Variants in KIAA1549L observed in about 807,000 individuals in gnomAD.
KIAA1549L encodes the protein UPF0606 protein KIAA1549L.
KIAA1549L carries 88 observed loss-of-function variants against 160.7 expected under a neutral mutation model. The ratio of observed to expected loss-of-function variants is 0.55; its 90% CI spans 0.46 to 0.65. The LOEUF is 0.65. Among genes scored for constraint, KIAA1549L ranks in the 30% least tolerant of loss-of-function variants. KIAA1549L has a pLI of 0.00. For missense variants in KIAA1549L, 2,258 were observed against 2,437.5 expected (o/e 0.93, Z 1.55); for synonymous variants, 950 against 976.7 (o/e 0.97, Z 0.51).
chr11:33,420,959 G>T (rs1001366616), intron 1 of KIAA1549L, among the ~76,000 whole-genome samples: 1 of 152,070 alleles, frequency 6.6e-6, no homozygotes, highest in Non-Finnish European at 1.5e-5. Context: ...GGGTCCCTCC[G>T]GCCCTGAGGA....
intron 1 of KIAA1549L, among the ~76,000 whole-genome samples, chr11:33,531,435 C>T (rs1853769319): frequency 6.6e-6 from 1 of 152,108 alleles, no homozygotes; most frequent in Admixed American, 6.5e-5. Flanking sequence ...GATTGCGCCA[C>T]TGCACTCCAG....
chr11:33,462,841 C>T (rs1851969514), intron 1 of KIAA1549L, among the ~76,000 whole-genome samples: 1 of 151,760 alleles, frequency 6.6e-6, no homozygotes, highest in Admixed American at 6.6e-5. Context: ...AGCTTTCTCT[C>T]TCTCTCTTTT....
chr11:33,500,767 C>T (rs1194092217), intron 1 of KIAA1549L, among the ~76,000 whole-genome samples: 1 of 151,930 alleles, frequency 6.6e-6, no homozygotes, highest in African/African-American at 2.4e-5. Context: ...TTCACTTGTA[C>T]CCCCAAAATA....
intron 1 of KIAA1549L, among the ~76,000 whole-genome samples, chr11:33,471,550 A>C (rs1852178749): frequency 1.3e-5 from 2 of 152,194 alleles, no homozygotes; most frequent in South Asian, 4.1e-4. Flanking sequence ...TCAGTTACTC[A>C]GAACAGCTTT....
At chr11:33,651,978 T>G (rs1590444307) in intron 17 of KIAA1549L, among the ~76,000 whole-genome samples, 1 of 144,586 alleles carries the variant, frequency 6.9e-6, no homozygotes, top group East Asian at 2.1e-4. Context: ...ACCAAACTTC[T>G]GAGCTCAGAG....
At chr11:33,632,853 C>T (rs1165445420) in intron 16 of KIAA1549L, among the ~76,000 whole-genome samples, 1 of 152,140 alleles carries the variant, frequency 6.6e-6, no homozygotes, top group African/African-American at 2.4e-5. Flanking sequence ...ACCTCAGCCT[C>T]CCAGAGTGCT....
intron 17 of KIAA1549L, among the ~76,000 whole-genome samples, chr11:33,649,608 A>C (rs1256273154): frequency 6.6e-6 from 1 of 150,826 alleles, no homozygotes. Flanking sequence ...CATCTCCATT[A>C]GGGTAAAATT....
chr11:33,649,862 A>G (rs1199951347), intron 17 of KIAA1549L, among the ~76,000 whole-genome samples: 4 of 147,834 alleles, frequency 2.7e-5, no homozygotes, highest in African/African-American at 7.4e-5. Flanking sequence ...TCCCATCTCA[A>G]AAAAAAAAAA....
intron 1 of KIAA1549L, among the ~76,000 whole-genome samples, chr11:33,391,010 C>T (rs537752230): frequency 2.0e-5 from 3 of 152,310 alleles, no homozygotes; most frequent in African/African-American, 7.2e-5. Flanking sequence ...CTAGGCTTCA[C>T]AGGCCAGTCA....
intron 1 of KIAA1549L, among the ~76,000 whole-genome samples, chr11:33,409,802 T>C (rs1850752000): frequency 6.7e-6 from 1 of 149,216 alleles, no homozygotes; most frequent in Admixed American, 6.8e-5. Flanking sequence ...GTACTTTTAT[T>C]TCCATGATGG....
intron 1 of KIAA1549L, among the ~76,000 whole-genome samples, chr11:33,412,777 T>A (rs536690560): frequency 2.6e-5 from 4 of 152,230 alleles, no homozygotes; most frequent in Admixed American, 2.6e-4. Flanking sequence ...GTTGAAGTAT[T>A]ATGTAAACGG....
intron 20 of KIAA1549L, 146 bp downstream of exon 20, chr11:33,661,160 G>A (rs2133447370): frequency 1.2e-6 from 1 of 827,564 alleles, no homozygotes; most frequent in Admixed American, 2.7e-5. Context: ...TTTTAAAGGA[G>A]ACAGATGGTG....
In KIAA1549L at chr11:33,673,138, A is replaced by G. The variant is rs1319724241; in HGVS notation, c.*4984A>G. On this transcript the variant is annotated 3_prime_UTR_variant, in exon 21 of 21. Coordinates refer to ENST00000658780, the MANE Select transcript of KIAA1549L (RefSeq NM_012194.3). ...AATATTTAGGAAATATAATTGTGCC[A>G]CACACACATTACTTTAGAAGATATG... is the stretch of plus-strand genomic sequence containing the variant. 1 of 152,230 alleles carries G rather than the reference A, an allele frequency of 6.6e-6. No individual in the cohort carries two copies. Among genetic ancestry groups the G allele is most frequent in the Non-Finnish European group, 1.5e-5 (1 of 68,046 alleles). 9.4% of individuals were successfully genotyped at this position (152,230 alleles called of 1,614,324 possible).
chr11:33,641,506 C>G (rs1851578043), intron 16 of KIAA1549L, among the ~76,000 whole-genome samples: 1 of 145,796 alleles, frequency 6.9e-6, no homozygotes, highest in African/African-American at 2.5e-5. Context: ...ATTTTATCTT[C>G]TTTTCTGGTC....
At chr11:33,593,928 A>G (rs1012140295) in intron 12 of KIAA1549L, among the ~76,000 whole-genome samples, 1 of 152,138 alleles carries the variant, frequency 6.6e-6, no homozygotes, top group African/African-American at 2.4e-5. Context: ...GAGTACAGAT[A>G]GAGAAAAGAA....
At chr11:33,435,806 ATATATGTG>A (rs1851357221) in intron 1 of KIAA1549L, among the ~76,000 whole-genome samples, 1 of 19,684 alleles carries the variant, frequency 5.1e-5, no homozygotes, top group African/African-American at 4.1e-4. Flanking sequence ...ATATATATAT[ATATATGTG>A]TGTGTATATA....
intron 4 of KIAA1549L, among the ~76,000 whole-genome samples, chr11:33,550,465 G>A (rs1243292009): frequency 6.6e-6 from 1 of 152,130 alleles, no homozygotes; most frequent in African/African-American, 2.4e-5. Context: ...GACCATCAGT[G>A]TCCCCTAGGA....
At chr11:33,379,864 G>A (rs1328859263) in intron 1 of KIAA1549L, among the ~76,000 whole-genome samples, 3 of 152,248 alleles carry the variant, frequency 2.0e-5, no homozygotes, top group Admixed American at 2.0e-4. Context: ...TGTTTACTCT[G>A]TCTAGGTGCT....
chr11:33,483,494 G>T (rs1852456146), intron 1 of KIAA1549L, among the ~76,000 whole-genome samples: 1 of 152,138 alleles, frequency 6.6e-6, no homozygotes, highest in Admixed American at 6.5e-5. Flanking sequence ...GGTGAAATCT[G>T]ACCCACTTGG....
Sources: gnomAD v4.1 joint callset for allele counts (sites outside exome capture counted in the v4.1 genomes callset) on GRCh38, gnomAD v4.1.1 for gene constraint, MANE v1.5 for transcripts, NCBI Gene and HGNC (gene_info 2026-07-23, HGNC 2026-07-21) for gene names.